Variants in TRIM5 observed in about 807,000 individuals in gnomAD.
TRIM5 encodes tripartite motif containing 5.
In TRIM5, 31 loss-of-function variants were observed where a neutral mutation model predicts 35.6. The ratio of observed to expected loss-of-function variants is 0.87; its 90% CI spans 0.65 to 1.18. The LOEUF (loss-of-function observed/expected upper bound fraction) is 1.18, where lower values mean the gene tolerates loss of function less well. TRIM5 is among the 50% of genes most tolerant of loss of function. TRIM5 has a pLI of 0.00. For synonymous variants in TRIM5, 243 were observed against 215.6 expected (o/e 1.13, Z -1.11); for missense variants, 609 against 591.6 (o/e 1.03, Z -0.31).
chr11:5,610,471 G>A, the TRIM5 span: 1 of 1,612,920 alleles, frequency 6.2e-7, no homozygotes, highest in South Asian at 1.1e-5. Context: ...GTAGTAAGGA[G>A]AGAGATACCA....
chr11:5,669,080 C>CTTTTTT (rs34310528), intron 4 of TRIM5, among the ~76,000 whole-genome samples: 3 of 133,168 alleles, frequency 2.3e-5, no homozygotes, highest in African/African-American at 2.9e-5. Context: ...GGTCTACATT[C>CTTTTTT]TTTTTTTTTT....
chr11:5,642,362 C>A, the TRIM5 span: 1 of 1,556,072 alleles, frequency 6.4e-7, no homozygotes, highest in Non-Finnish European at 8.8e-7. Context: ...GGGATGGACA[C>A]AGGATGAGAG....
chr11:5,594,061 C>T, the TRIM5 span, among the ~76,000 whole-genome samples: 2 of 152,058 alleles, frequency 1.3e-5, no homozygotes. Context: ...AATCTTTGCA[C>T]GGATATGTTT....
chr11:5,619,609 T>C, the TRIM5 span, among the ~76,000 whole-genome samples: 1 of 150,860 alleles, frequency 6.6e-6, no homozygotes. Context: ...AGCTAGTCCA[T>C]AATCAGCCTC....
intron 1 of TRIM5, among the ~76,000 whole-genome samples, chr11:5,683,808 C>A (rs1021186449): frequency 2.0e-5 from 3 of 152,182 alleles, no homozygotes; most frequent in Admixed American, 1.3e-4. Flanking sequence ...ATGGACCAAT[C>A]AGGAGGATGT....
At position 5,664,648 on chromosome 11, in the gene TRIM5, C is replaced by T; in HGVS notation, c.*161G>A. Reference sequence around the variant, plus strand: ...ATAAAATATTGGGGACAATATGGCACAAGGCAATTATTACATTTTACTGAT... The same window carrying T: ...ATAAAATATTGGGGACAATATGGCATAAGGCAATTATTACATTTTACTGAT... On this transcript the variant is annotated 3_prime_UTR_variant, in exon 8 of 8. Transcript: ENST00000380034. 1 of 1,380,850 alleles carries T rather than the reference C, an allele frequency of 7.2e-7. No homozygotes were observed. The highest frequency in any genetic ancestry group is 9.3e-7 in the Non-Finnish European group (1 of 1,072,420). The allele number at this position is 1,380,850 out of a possible 1,614,324, so 85.5% of individuals were successfully genotyped here.
chr11:5,595,158 G>A, the TRIM5 span: 26,748 of 152,040 alleles, frequency 0.18, 2,752 homozygotes, highest in Middle Eastern at 0.31. Context: ...CCAGACTTTT[G>A]TATGGACACC....
At chr11:5,610,746 T>C in the TRIM5 span, 1 of 1,607,198 alleles carries the variant, frequency 6.2e-7, no homozygotes, top group Non-Finnish European at 8.5e-7. Flanking sequence ...GTCCCCGTTC[T>C]CATCTGCTGA....
chr11:5,680,287 TAG>T, intron 1 of TRIM5, 49 bp from the exon 2 acceptor site: 1 of 1,127,210 alleles, frequency 8.9e-7, no homozygotes, highest in Non-Finnish European at 1.2e-6. Flanking sequence ...AAGGTAGAAA[TAG>T]AAAGGATATT....
At chr11:5,671,317 C>CAA (rs148744959) in intron 4 of TRIM5, among the ~76,000 whole-genome samples, 4 of 145,742 alleles carry the variant, frequency 2.7e-5, no homozygotes, top group African/African-American at 1.0e-4. Context: ...AAAAAAAACA[C>CAA]AAAAAAACCC....
chr11:5,670,407 G>A (rs999585148), intron 4 of TRIM5, among the ~76,000 whole-genome samples: 9 of 151,524 alleles, frequency 5.9e-5, no homozygotes, highest in Non-Finnish European at 1.0e-4. Context: ...GGATGGTCTC[G>A]ATCCGCCCGC....
chr11:5,673,193 T>A (rs946473909), intron 4 of TRIM5, among the ~76,000 whole-genome samples: 2 of 152,122 alleles, frequency 1.3e-5, no homozygotes, highest in East Asian at 3.8e-4. Flanking sequence ...GAGCATATAT[T>A]AGATTCAAAG....
chr11:5,680,802 T>C (rs1852380339), intron 1 of TRIM5, among the ~76,000 whole-genome samples: 1 of 152,208 alleles, frequency 6.6e-6, no homozygotes, highest in Non-Finnish European at 1.5e-5. Context: ...ATCAGCAGAG[T>C]GAATGACTGT....
chr11:5,657,578 T>A, the TRIM5 span, among the ~76,000 whole-genome samples: 1 of 101,984 alleles, frequency 9.8e-6, no homozygotes, highest in African/African-American at 4.2e-5. Flanking sequence ...ATTTATATAT[T>A]ATATATAATG....
the TRIM5 span, among the ~76,000 whole-genome samples, chr11:5,647,483 T>C: frequency 6.6e-6 from 1 of 152,156 alleles, no homozygotes; most frequent in Non-Finnish European, 1.5e-5. Context: ...ATGAAAAATT[T>C]GGGGTGCTTG....
At chr11:5,636,940 A>C in the TRIM5 span, among the ~76,000 whole-genome samples, 1 of 152,110 alleles carries the variant, frequency 6.6e-6, no homozygotes, top group South Asian at 2.1e-4. Flanking sequence ...AGGTCAGGAG[A>C]TCGAGATCAT....
chr11:5,613,790 T>C, the TRIM5 span, among the ~76,000 whole-genome samples: 1,066 of 152,322 alleles, frequency 7.0e-3, 14 homozygotes, highest in African/African-American at 0.024. Context: ...ATAGTTATCC[T>C]AATATTTCCC....
chr11:5,610,088 G>C, the TRIM5 span: 1 of 1,585,048 alleles, frequency 6.3e-7, no homozygotes, highest in Non-Finnish European at 8.7e-7. Context: ...AGGGAGATGG[G>C]TGGTGGAGGA....
At chr11:5,627,524 A>C in the TRIM5 span, among the ~76,000 whole-genome samples, 3 of 152,230 alleles carry the variant, frequency 2.0e-5, no homozygotes, top group African/African-American at 7.2e-5. Context: ...TATTCTCACG[A>C]AGTAACAGAC....
Sources: gnomAD v4.1 joint callset for allele counts (sites outside exome capture counted in the v4.1 genomes callset) on GRCh38, gnomAD v4.1.1 for gene constraint, MANE v1.5 for transcripts, NCBI Gene and HGNC (gene_info 2026-07-23, HGNC 2026-07-21) for gene names.